LRCH2: variants seen among roughly 807,000 people sequenced by gnomAD.
LRCH2 encodes the protein leucine-rich repeat and calponin homology domain-containing protein 2.
Under a neutral mutation model 68.9 loss-of-function variants are expected in LRCH2, and 38 were observed. The ratio of observed to expected loss-of-function variants is 0.55; its 90% confidence interval spans 0.43 to 0.72. The LOEUF (loss-of-function observed/expected upper bound fraction) is 0.72, where lower values mean the gene tolerates loss of function less well. LRCH2 is among the 30% of genes least tolerant of loss of function. LRCH2 has a pLI of 0.00. For missense variants in LRCH2, 528 were observed against 572.9 expected (o/e 0.92, Z 0.80); for synonymous variants, 191 against 208.1 (o/e 0.92, Z 0.71).
chrX:115,174,608 CA>C (rs2072633106), intron 5 of LRCH2, among the ~76,000 whole-genome samples: 1 of 99,961 alleles, frequency 1.0e-5, no homozygotes, highest in Non-Finnish European at 2.0e-5. Flanking sequence ...CCCCCACACA[CA>C]CACACACACT....
rs782238173 is a variant in LRCH2 at position 115,139,422 on chromosome X, C to T, written c.1696-9223G>A. Among the ~76,000 whole-genome samples the T allele has an allele frequency of 1.9e-3, 213 of 112,315 alleles. 2 individuals are homozygous for T. The highest frequency in any genetic ancestry group is 8.0e-3 in the Admixed American group (85 of 10,585). On this transcript the variant is annotated intron_variant, in intron 14 of 20. Coordinates refer to ENST00000317135, the MANE Select transcript of LRCH2 (RefSeq NM_020871.4). ...TAAATCAAATAATATTTAAAACTAA[C>T]TGGCTACAGATACTCTAATACTTTT...
intron 2 of LRCH2, among the ~76,000 whole-genome samples, chrX:115,187,097 C>T (rs965250509): frequency 1.8e-5 from 2 of 111,723 alleles, no homozygotes; most frequent in Non-Finnish European, 3.8e-5. Flanking sequence ...GGATTACAGG[C>T]GTGAGCCACC....
intron 1 of LRCH2, among the ~76,000 whole-genome samples, chrX:115,223,676 G>A (rs1231342083): frequency 9.1e-6 from 1 of 110,043 alleles, no homozygotes; most frequent in Non-Finnish European, 1.9e-5. Flanking sequence ...AACACTCTGG[G>A]AAGCTGAGGC....
intron 11 of LRCH2, among the ~76,000 whole-genome samples, chrX:115,162,065 G>A (rs1556542071): frequency 9.3e-6 from 1 of 107,482 alleles, no homozygotes. Flanking sequence ...GACCACAGGT[G>A]CACACCACCA....
intron 1 of LRCH2, among the ~76,000 whole-genome samples, chrX:115,205,177 T>C (rs1295284367): frequency 9.0e-6 from 1 of 111,614 alleles, no homozygotes; most frequent in Non-Finnish European, 1.9e-5. Flanking sequence ...CTCACTATCA[T>C]GGGAACAACA....
chrX:115,172,709 T>A (rs1373666091), intron 5 of LRCH2, among the ~76,000 whole-genome samples: 1 of 109,878 alleles, frequency 9.1e-6, no homozygotes, highest in Non-Finnish European at 1.9e-5. Context: ...GTATAAAACA[T>A]CTCTCCATGT....
intron 14 of LRCH2, among the ~76,000 whole-genome samples, chrX:115,148,026 C>T (rs781999178): frequency 3.6e-5 from 4 of 110,901 alleles, no homozygotes; most frequent in African/African-American, 6.6e-5. Flanking sequence ...GCTATGATCA[C>T]GCTATTGCAC....
chrX:115,179,567 G>A lies in LRCH2; in HGVS notation c.728-4C>T, dbSNP rs946758634. The A allele has an allele frequency of 6.3e-6, 7 of 1,114,678 alleles. No homozygotes were observed. Among genetic ancestry groups the A allele is most frequent in the Non-Finnish European group, 8.2e-6 (7 of 850,637 alleles). The allele number at this position is 1,114,678 out of a possible 1,213,427, so 91.9% of individuals were successfully genotyped here. The stretch of plus-strand genomic sequence containing the variant: ...ACTAAGGGAAGGTCTCCTAATTCTG[G>A]TCAGAAATGAAAAATAATTAATTAA... On this transcript the variant is annotated splice_region_variant and splice_polypyrimidine_tract_variant and intron_variant, in intron 4 of 20. Coordinates refer to ENST00000317135, the MANE Select transcript of LRCH2 (RefSeq NM_020871.4).
chrX:115,216,378 A>AT (rs1220599797), intron 1 of LRCH2, among the ~76,000 whole-genome samples: 4 of 112,141 alleles, frequency 3.6e-5, no homozygotes, highest in Non-Finnish European at 7.5e-5. Context: ...AGCAATTTGT[A>AT]TTTTTTTCCC....
chrX:115,144,887 T>C (rs782320370), intron 14 of LRCH2, among the ~76,000 whole-genome samples: 137 of 111,863 alleles, frequency 1.2e-3, no homozygotes, highest in Non-Finnish European at 9.4e-4. Context: ...AATCTATAGA[T>C]TCAATGCAAT....
intron 2 of LRCH2, among the ~76,000 whole-genome samples, chrX:115,186,090 T>A (rs2072729084): frequency 8.9e-6 from 1 of 112,092 alleles, no homozygotes; most frequent in African/African-American, 3.2e-5. Flanking sequence ...CCGGTCACAA[T>A]GGCTCACGCC....
chrX:115,199,796 T>C (rs1408938376), intron 1 of LRCH2, among the ~76,000 whole-genome samples: 3 of 112,342 alleles, frequency 2.7e-5, no homozygotes, highest in Non-Finnish European at 3.8e-5. Flanking sequence ...TTACACCAAA[T>C]GGACCTAACA....
chrX:115,226,378 C>T (rs945434734), intron 1 of LRCH2, among the ~76,000 whole-genome samples: 12 of 111,298 alleles, frequency 1.1e-4, no homozygotes, highest in African/African-American at 3.6e-4. Flanking sequence ...GATTTTGAAA[C>T]GTACGGCTTG....
At chrX:115,126,603 A>G (rs2072201937) in intron 16 of LRCH2, among the ~76,000 whole-genome samples, 1 of 111,899 alleles carries the variant, frequency 8.9e-6, no homozygotes, top group Non-Finnish European at 1.9e-5. Flanking sequence ...CAGACACTAC[A>G]GAAAATCATA....
intron 20 of LRCH2, among the ~76,000 whole-genome samples, chrX:115,113,849 A>G (rs1556523368): frequency 2.7e-5 from 3 of 111,212 alleles, no homozygotes; most frequent in African/African-American, 9.8e-5. Context: ...TCTGACAGCA[A>G]TTGTGCAGTA....
At chrX:115,226,141 G>C (rs1028338481) in intron 1 of LRCH2, among the ~76,000 whole-genome samples, 1 of 111,163 alleles carries the variant, frequency 9.0e-6, no homozygotes, top group African/African-American at 3.3e-5. Flanking sequence ...AAAGGAGGAG[G>C]GGGGAATGAA....
At chrX:115,181,360 A>C (rs782166283) in intron 3 of LRCH2, among the ~76,000 whole-genome samples, 38 of 112,632 alleles carry the variant, frequency 3.4e-4, no homozygotes, top group Non-Finnish European at 6.4e-4. Context: ...ACTACTATTC[A>C]AACGATGGAT....
At chrX:115,166,952 A>C (rs1402926932) in intron 6 of LRCH2, among the ~76,000 whole-genome samples, 1 of 109,862 alleles carries the variant, frequency 9.1e-6, no homozygotes, top group Non-Finnish European at 1.9e-5. Flanking sequence ...TGTATGAGGA[A>C]CTGTGCTAAA....
chrX:115,186,404 T>C (rs1556554458), intron 2 of LRCH2, among the ~76,000 whole-genome samples: 1 of 110,472 alleles, frequency 9.1e-6, no homozygotes, highest in Non-Finnish European at 1.9e-5. Flanking sequence ...TTCACCAGAA[T>C]CTGGTTTCTT....
Sources: gnomAD v4.1 joint callset for allele counts (sites outside exome capture counted in the v4.1 genomes callset) on GRCh38, gnomAD v4.1.1 for gene constraint, MANE v1.5 for transcripts, NCBI Gene and HGNC (gene_info 2026-07-23, HGNC 2026-07-21) for gene names.